FBLN2: variants seen among roughly 807,000 people sequenced by gnomAD.
FBLN2 encodes the protein fibulin 2, also known as fibulin-2.
A neutral mutation model predicts 123.7 loss-of-function variants in FBLN2; 81 were observed. The ratio of observed to expected loss-of-function variants is 0.65; its 90% CI spans 0.55 to 0.79. FBLN2 has a LOEUF of 0.79. FBLN2 is among the 30% of genes least tolerant of loss of function. The pLI is 0.00. For synonymous variants in FBLN2, 699 were observed against 701.4 expected (o/e 1.00, Z 0.05); for missense variants, 1,603 against 1,681.3 (o/e 0.95, Z 0.81).
chr3:13,581,884 C>T (rs1185714813), intron 2 of FBLN2, among the ~76,000 whole-genome samples: 3 of 152,110 alleles, frequency 2.0e-5, no homozygotes, highest in Non-Finnish European at 4.4e-5. Flanking sequence ...GCTCTGAACC[C>T]AGATCTGTTG....
rs1470455635 is a variant in FBLN2 at position 13,637,938 on chromosome 3, C to G, written c.*19C>G. 1.3e-6 allele frequency: 2 copies of G among 1,557,588 alleles called. No homozygotes were observed. Among genetic ancestry groups the G allele is most frequent in the Non-Finnish European group, 1.7e-6 (2 of 1,145,796 alleles). On this transcript the variant is annotated 3_prime_UTR_variant, in exon 18 of 18. Coordinates refer to ENST00000404922, the MANE Select transcript of FBLN2 (RefSeq NM_001004019.2). ...CCTGTGAGGTGCCAGCACGGGCCAC[C>G]TGCGGGTGTGGCGCAGCCCAGGGCT...
At position 13,618,084 on chromosome 3, in the gene FBLN2, G is replaced by T; in HGVS notation, c.1738G>T (p.Ala580Ser). Reference protein sequence around the residue: ...PAAAPRRVSEAEMAGREALSL... With the variant: ...PAAAPRRVSESEMAGREALSL... ...TCTAACCCCTGTCCTAGTTTCAGAG[G>T]CAGAGATGGCGGGCCGAGAGGCCCT... The change falls in exon 6 of 18, where the codon GCA becomes TCA. Residue 580 changes from alanine (A) to serine (S), a missense_variant. By Grantham distance (99) the Ala-to-Ser change is moderately conservative. Transcript: ENST00000404922. 1 of 1,613,072 alleles carries T rather than the reference G, an allele frequency of 6.2e-7. No individual in the cohort carries two copies.
intron 2 of FBLN2, among the ~76,000 whole-genome samples, chr3:13,593,005 A>G (rs76899926): frequency 0.027 from 4,098 of 152,296 alleles, 191 homozygotes; most frequent in African/African-American, 0.093. Flanking sequence ...CCCGGACTAC[A>G]GAGTCCCAGG....
chr3:13,629,095 T>C, intron 12 of FBLN2, 47 bp downstream of exon 12: 1 of 1,612,782 alleles, frequency 6.2e-7, no homozygotes, highest in African/African-American at 1.3e-5. Context: ...GCCTGCCCGC[T>C]TCCCCACCCC....
At chr3:13,574,885 C>A (rs548709189) in intron 2 of FBLN2, among the ~76,000 whole-genome samples, 2 of 152,204 alleles carry the variant, frequency 1.3e-5, no homozygotes, top group African/African-American at 4.8e-5. Context: ...CATCTCCCAC[C>A]CCTCCCATGC....
chr3:13,615,228 A>G (rs1394493448), intron 5 of FBLN2, among the ~76,000 whole-genome samples: 4 of 152,208 alleles, frequency 2.6e-5, no homozygotes, highest in Non-Finnish European at 5.9e-5. Flanking sequence ...CTTTTTGTAC[A>G]TGGGCCTTGG....
chr3:13,566,080 C>T (rs970576922), intron 1 of FBLN2, among the ~76,000 whole-genome samples: 25 of 152,358 alleles, frequency 1.6e-4, no homozygotes, highest in African/African-American at 6.0e-4. Flanking sequence ...TGGCTGGCCA[C>T]CGCAGCCAGT....
chr3:13,557,531 T>C (rs1703494551), intron 1 of FBLN2, among the ~76,000 whole-genome samples: 1 of 152,216 alleles, frequency 6.6e-6, no homozygotes, highest in Non-Finnish European at 1.5e-5. Context: ...CTGTTCTCTG[T>C]GTTCCATACT....
intron 2 of FBLN2, among the ~76,000 whole-genome samples, chr3:13,573,588 A>G (rs1024328574): frequency 6.6e-6 from 1 of 152,056 alleles, no homozygotes; most frequent in Non-Finnish European, 1.5e-5. Context: ...TCCTGTGCAC[A>G]TGCTGGGCAC....
chr3:13,600,017 C>CAG (rs113759892), intron 2 of FBLN2, among the ~76,000 whole-genome samples: 1,710 of 137,300 alleles, frequency 0.012, 11 homozygotes, highest in Non-Finnish European at 0.02. Flanking sequence ...AAAAACACGA[C>CAG]AGAGAGAGAG....
intron 4 of FBLN2, among the ~76,000 whole-genome samples, chr3:13,611,850 G>C (rs965634242): frequency 2.6e-5 from 4 of 152,218 alleles, no homozygotes; most frequent in Admixed American, 2.0e-4. Context: ...GAAGACTAGG[G>C]AATGTAGTGT....
At position 13,614,043 on chromosome 3, in the gene FBLN2, G is replaced by A. The variant is rs757007496; in HGVS notation, c.1608G>A (p.Glu536=). Residue 536 remains glutamate, a synonymous_variant, in exon 5 of 18, where the codon GAG becomes GAA. Transcript: ENST00000404922. ...TGCGGGCCGAGGGCCAGTCGTGTGAGTCCAATCCTAACCTGGGCTATCCCT... is the reference window on the plus strand; with the variant it reads ...TGCGGGCCGAGGGCCAGTCGTGTGAATCCAATCCTAACCTGGGCTATCCCT... ...LRVRAEGQSC[E]SNPNLGYPCN... 59 of 1,613,504 alleles carry A rather than the reference G, an allele frequency of 3.7e-5. No homozygotes were observed. Among genetic ancestry groups the A allele is most frequent in the Non-Finnish European group, 5.0e-5 (59 of 1,179,896 alleles).
chr3:13,570,270 G>C lies in FBLN2; in HGVS notation c.-41-45G>C, dbSNP rs914315700. 3.5e-6 allele frequency: 5 copies of C among 1,441,914 alleles called. No homozygotes were observed. The South Asian group carries it at 7.4e-5, about 21-fold the overall frequency. The allele number at this position is 1,441,914 out of a possible 1,614,324, so 89.3% of individuals were successfully genotyped here. A position where few individuals can be genotyped will look rare whatever the true frequency, so the allele number is the denominator to read the frequency against. On this transcript the variant is annotated intron_variant, in intron 1 of 17. Transcript: ENST00000404922. ...GCGTGCCGGTGTGCACCGTGTCTGT[G>C]TGTGCACACCCAGTACTGACAGGCT...
chr3:13,606,491 A>G (rs909788965), intron 2 of FBLN2, among the ~76,000 whole-genome samples: 1 of 152,232 alleles, frequency 6.6e-6, no homozygotes, highest in Non-Finnish European at 1.5e-5. Flanking sequence ...TGAACCTTGA[A>G]CAACTCAGGA....
At chr3:13,596,785 C>T (rs537181527) in intron 2 of FBLN2, among the ~76,000 whole-genome samples, 2 of 152,046 alleles carry the variant, frequency 1.3e-5, no homozygotes, top group African/African-American at 2.4e-5. Flanking sequence ...CTCTAAGGAC[C>T]CCATACAAGT....
At chr3:13,607,134 C>A (rs1294240808) in intron 2 of FBLN2, among the ~76,000 whole-genome samples, 1 of 151,846 alleles carries the variant, frequency 6.6e-6, no homozygotes, top group Non-Finnish European at 1.5e-5. Context: ...ATTACAGGTG[C>A]CTGCCACCGT....
At chr3:13,588,374 C>T (rs563540716) in intron 2 of FBLN2, among the ~76,000 whole-genome samples, 109 of 152,366 alleles carry the variant, frequency 7.2e-4, no homozygotes, top group African/African-American at 2.3e-3. Context: ...TTTCTCAGAA[C>T]GTGACCCCTT....
At chr3:13,599,944 T>C (rs1396972348) in intron 2 of FBLN2, among the ~76,000 whole-genome samples, 1 of 150,244 alleles carries the variant, frequency 6.7e-6, no homozygotes, top group Non-Finnish European at 1.5e-5. Flanking sequence ...CAGGCCAGCG[T>C]GTGTTGGAGA....
At chr3:13,624,814 G>C (rs947597028) in intron 9 of FBLN2, among the ~76,000 whole-genome samples, 3 of 152,284 alleles carry the variant, frequency 2.0e-5, no homozygotes, top group African/African-American at 7.2e-5. Context: ...GGAATGGATG[G>C]ATAAGCAGGG....
Sources: gnomAD v4.1 joint callset for allele counts (sites outside exome capture counted in the v4.1 genomes callset) on GRCh38, gnomAD v4.1.1 for gene constraint, MANE v1.5 for transcripts, NCBI Gene and HGNC (gene_info 2026-07-23, HGNC 2026-07-21) for gene names.